Variants in UBE3D observed in about 807,000 individuals in gnomAD.
The protein encoded by UBE3D is E3 ubiquitin-protein ligase E3D.
Under a neutral mutation model 49.6 loss-of-function variants are expected in UBE3D, and 48 were observed. The observed-to-expected ratio is 0.97, with a 90% confidence interval of 0.77 to 1.23. The LOEUF (loss-of-function observed/expected upper bound fraction) is 1.23, where lower values mean the gene tolerates loss of function less well. UBE3D is among the 50% of genes most tolerant of loss of function. The pLI is 0.00. For synonymous variants in UBE3D, 189 were observed against 174.2 expected (o/e 1.08, Z -0.67); for missense variants, 452 against 468.4 (o/e 0.96, Z 0.32).
chr6:82,947,477 A>G (rs1457665644), intron 9 of UBE3D, among the ~76,000 whole-genome samples: 1 of 151,964 alleles, frequency 6.6e-6, no homozygotes, highest in African/African-American at 2.4e-5. Context: ...ATTTCATCCA[A>G]TGGTTGTAGA....
intron 3 of UBE3D, among the ~76,000 whole-genome samples, chr6:83,053,203 T>C (rs1783587562): frequency 6.6e-6 from 1 of 152,286 alleles, no homozygotes; most frequent in Admixed American, 6.5e-5. Context: ...GCCGAAGGCT[T>C]GGACTCCCCT....
chr6:82,898,034 T>G (rs1771456898), intron 9 of UBE3D, among the ~76,000 whole-genome samples: 1 of 152,212 alleles, frequency 6.6e-6, no homozygotes, highest in African/African-American at 2.4e-5. Flanking sequence ...GAACAGACAC[T>G]TCTCAAAAGA....
intron 8 of UBE3D, among the ~76,000 whole-genome samples, chr6:82,985,031 T>TTC (rs1490207995): frequency 6.8e-6 from 1 of 146,746 alleles, no homozygotes; most frequent in Non-Finnish European, 1.5e-5. Flanking sequence ...TTTTTTTTTT[T>TTC]TGGTAGAGAG....
intron 8 of UBE3D, among the ~76,000 whole-genome samples, chr6:82,966,085 G>T (rs1025309743): frequency 6.6e-6 from 1 of 152,026 alleles, no homozygotes; most frequent in East Asian, 1.9e-4. Flanking sequence ...TTTTTTTACA[G>T]TTTGAGTTTG....
At chr6:83,036,336 T>C (rs1782253994) in intron 5 of UBE3D, 1 of 152,202 alleles carries the variant, frequency 6.6e-6, no homozygotes. Context: ...TTCTTTAATT[T>C]TCAATCTCTG....
Position 83,004,825 on chromosome 6 carries a change from C to G in UBE3D, c.1010+14148G>C, listed in dbSNP as rs189818800. 7.4e-4 allele frequency among the ~76,000 whole-genome samples: 113 copies of G among 152,292 alleles called. 2 individuals carry two copies. In the East Asian group the frequency reaches 0.017, roughly 23 times the overall value. ...TAATCAACCAAAAAGACAATTTCCT[C>G]TAAATCTTCTCAAAACCACCTAATT... On this transcript the variant is annotated intron_variant, in intron 8 of 9. Transcript: ENST00000369747.
intron 8 of UBE3D, among the ~76,000 whole-genome samples, chr6:82,959,717 CAAAAA>C (rs778278435): frequency 7.7e-4 from 29 of 37,730 alleles, no homozygotes; most frequent in African/African-American, 3.1e-3. Flanking sequence ...GTGAGACCTC[CAAAAA>C]AAAAAAAAAA....
chr6:82,971,771 G>A (rs1344584865), intron 8 of UBE3D, among the ~76,000 whole-genome samples: 2 of 151,478 alleles, frequency 1.3e-5, no homozygotes, highest in Non-Finnish European at 2.9e-5. Context: ...GTTTATTTTT[G>A]CCAGAAAGAA....
At chr6:82,930,694 T>A (rs919573913) in intron 9 of UBE3D, among the ~76,000 whole-genome samples, 1 of 152,112 alleles carries the variant, frequency 6.6e-6, no homozygotes, top group Non-Finnish European at 1.5e-5. Context: ...GACTTAGAGA[T>A]CTGTGGAACT....
At chr6:83,010,332 T>C (rs1449690729) in intron 8 of UBE3D, among the ~76,000 whole-genome samples, 1 of 152,084 alleles carries the variant, frequency 6.6e-6, no homozygotes, top group Non-Finnish European at 1.5e-5. Context: ...AAAATCACAA[T>C]AAATGTGAAT....
At chr6:83,061,847 T>A (rs1784189911) in intron 1 of UBE3D, among the ~76,000 whole-genome samples, 2 of 152,156 alleles carry the variant, frequency 1.3e-5, no homozygotes, top group South Asian at 4.1e-4. Context: ...TGCCATAAGA[T>A]CTTTTACTAT....
intron 9 of UBE3D, among the ~76,000 whole-genome samples, chr6:82,920,695 C>T (rs1327510784): frequency 6.6e-6 from 1 of 152,088 alleles, no homozygotes; most frequent in East Asian, 1.9e-4. Context: ...AAGAATCAAC[C>T]CAAAATGTTA....
chr6:82,958,242 C>A (rs889725632), intron 8 of UBE3D, among the ~76,000 whole-genome samples: 8 of 151,930 alleles, frequency 5.3e-5, no homozygotes, highest in Non-Finnish European at 8.8e-5. Context: ...AGGGAAACAT[C>A]AAAAAATAAT....
At chr6:82,949,296 A>T (rs1365613533) in intron 9 of UBE3D, among the ~76,000 whole-genome samples, 3 of 152,044 alleles carry the variant, frequency 2.0e-5, no homozygotes, top group African/African-American at 7.2e-5. Context: ...ATCACTTAGG[A>T]ATTTACTTAA....
chr6:83,036,961 A>T (rs1451420423), intron 5 of UBE3D: 2 of 152,092 alleles, frequency 1.3e-5, no homozygotes, highest in Non-Finnish European at 2.9e-5. Flanking sequence ...CCAAAGAATC[A>T]GTGTCTGCAA....
Position 83,044,544 on chromosome 6 carries a change from A to G in UBE3D, c.481T>C (p.Cys161Arg). The stretch of plus-strand genomic sequence containing the variant: ...AAGAAGAAAGAGTCTCCAATAAAAC[A>G]GTCATTCTCTTGCGGATGAAGTGAT... ...NKSLHPQEND[C>R]FIGDSFFLVN... Residue 161 changes from cysteine (C) to arginine (R), a missense_variant, in exon 4 of 10, where the codon TGT becomes CGT. Cys to Arg is a radical substitution (Grantham distance 180, BLOSUM62 -3). Coordinates refer to ENST00000369747, the MANE Select transcript of UBE3D (RefSeq NM_198920.3). The G allele has an allele frequency of 6.2e-7, 1 of 1,614,186 alleles. No homozygotes were observed. Among genetic ancestry groups the G allele is most frequent in the South Asian group, 1.1e-5 (1 of 91,078 alleles).
At chr6:82,907,756 C>T (rs1043443261) in intron 9 of UBE3D, among the ~76,000 whole-genome samples, 3 of 152,166 alleles carry the variant, frequency 2.0e-5, no homozygotes, top group African/African-American at 7.2e-5. Flanking sequence ...TAAAATGGCA[C>T]ATGCACTTTG....
intron 8 of UBE3D, among the ~76,000 whole-genome samples, chr6:82,995,510 A>ACACG (rs1554199398): frequency 0.01 from 1,562 of 151,666 alleles, 29 homozygotes; most frequent in African/African-American, 0.036. Context: ...ACACACACAC[A>ACACG]CACACAGTCA....
At chr6:82,995,988 C>T (rs1423879168) in intron 8 of UBE3D, among the ~76,000 whole-genome samples, 1 of 152,186 alleles carries the variant, frequency 6.6e-6, no homozygotes, top group African/African-American at 2.4e-5. Flanking sequence ...ATCACTTGAA[C>T]TGGGAGGCAG....
Sources: allele counts gnomAD v4.1 joint callset (sites outside exome capture counted in the v4.1 genomes callset), GRCh38; gene constraint gnomAD v4.1.1; transcripts MANE v1.5; gene names NCBI Gene and HGNC (gene_info 2026-07-23, HGNC 2026-07-21).